The following PRDM1 variants were observed in gnomAD, a reference collection of about 807,000 sequenced individuals.
PRDM1 encodes PR domain zinc finger protein 1.
Under a neutral mutation model 62.8 loss-of-function variants are expected in PRDM1, and 13 were observed. That is an observed-to-expected ratio of 0.21 (90% CI 0.13 to 0.33). The LOEUF (loss-of-function observed/expected upper bound fraction) is 0.33, where lower values mean the gene tolerates loss of function less well. Among genes scored for constraint, PRDM1 ranks in the 10% least tolerant of loss-of-function variants. The pLI is 1.00. For synonymous variants in PRDM1, 396 were observed against 417.6 expected, an observed-to-expected ratio of 0.95 and a Z score of 0.63; for missense variants, 895 against 1,058.8, an observed-to-expected ratio of 0.85 and a Z score of 2.15.
chr6:106,083,755 A>T (rs1773737909), upstream of PRDM1, among the ~76,000 whole-genome samples: 1 of 152,212 alleles, frequency 6.6e-6, no homozygotes, highest in South Asian at 2.1e-4. Context: ...TCGGTGTTCT[A>T]ACTTGGGGGG....
At chr6:106,051,285 C>T (rs1204949494) in intron 1 of PRDM1, among the ~76,000 whole-genome samples, 2 of 152,228 alleles carry the variant, frequency 1.3e-5, no homozygotes, top group East Asian at 3.8e-4. Context: ...TTGGACCTGG[C>T]TCCTTAAGCA....
At chr6:106,063,809 C>A (rs1181927880) in intron 1 of PRDM1, among the ~76,000 whole-genome samples, 1 of 152,078 alleles carries the variant, frequency 6.6e-6, no homozygotes, top group African/African-American at 2.4e-5. Flanking sequence ...CCCTTGTATG[C>A]GAGTCTTATT....
In PRDM1 at chr6:105,999,486, T is replaced by C. The variant is rs1014668038; in HGVS notation, c.-67+5847T>C. Among the ~76,000 whole-genome samples, 11 of 152,292 alleles carry C rather than the reference T, an allele frequency of 7.2e-5. No homozygotes were observed. In the Middle Eastern group the frequency reaches 0.01, roughly 141 times the overall value. On this transcript the variant is annotated intron_variant, in intron 1 of 6. Transcript: ENST00000652320. The stretch of plus-strand genomic sequence containing the variant: ...TTTTTGCTTTTTTTGTTGTTGTTGT[T>C]CAGCCAGGGGCACTCCTCCTGTGGA...
At chr6:106,073,105 CTTTTTTT>C (rs202236727) in intron 1 of PRDM1, among the ~76,000 whole-genome samples, 11,121 of 137,674 alleles carry the variant, frequency 0.081, 541 homozygotes, top group East Asian at 0.17. Flanking sequence ...TTCCTCTTTT[CTTTTTTT>C]TTTTTTTTTT....
intron 1 of PRDM1, among the ~76,000 whole-genome samples, chr6:106,000,259 T>C (rs972290711): frequency 2.6e-5 from 4 of 152,204 alleles, no homozygotes; most frequent in Non-Finnish European, 5.9e-5. Context: ...TTCAAAGCTA[T>C]CTTTAACTCA....
intron 1 of PRDM1, among the ~76,000 whole-genome samples, chr6:106,052,043 G>A (rs1773184106): frequency 6.6e-6 from 1 of 152,198 alleles, no homozygotes; most frequent in African/African-American, 2.4e-5. Flanking sequence ...GGAATGAATA[G>A]GGAGTTATTG....
At chr6:106,072,767 A>C (rs1156698397) in intron 1 of PRDM1, among the ~76,000 whole-genome samples, 1 of 152,174 alleles carries the variant, frequency 6.6e-6, no homozygotes, top group African/African-American at 2.4e-5. Context: ...GACGTGGTGG[A>C]TTGAGCTGTT....
chr6:106,045,969 A>C, upstream of PRDM1: 1 of 152,188 alleles, frequency 6.6e-6, no homozygotes. Flanking sequence ...TATAAAATAC[A>C]CTGTCACACT....
intron 2 of PRDM1, 88 bp from the exon 3 acceptor site, chr6:106,095,523 ATTAC>A: frequency 7.1e-7 from 1 of 1,410,740 alleles, no homozygotes; most frequent in Non-Finnish European, 9.7e-7. Context: ...TGTTAGTTGT[ATTAC>A]TACTTGACAG....
intron 1 of PRDM1, among the ~76,000 whole-genome samples, chr6:106,042,431 G>A (rs911116134): frequency 4.6e-5 from 7 of 151,802 alleles, no homozygotes; most frequent in African/African-American, 1.7e-4. Context: ...GGAGGCTGAG[G>A]CAGGAGAATC....
chr6:106,022,016 A>C (rs6937414), intron 1 of PRDM1, among the ~76,000 whole-genome samples: 138,443 of 152,282 alleles, frequency 0.91, 63,066 homozygotes, highest in African/African-American at 0.95. Flanking sequence ...CATGTTTTCT[A>C]ATCTCTGAAA....
upstream of PRDM1, chr6:106,045,291 A>G (rs1773056817): frequency 6.6e-6 from 1 of 152,152 alleles, no homozygotes; most frequent in East Asian, 1.9e-4. Context: ...TGTAGAATGC[A>G]AAACTTGAAT....
chr6:106,071,381 G>GTA lies in PRDM1; in HGVS notation c.-66-16807_-66-16806dup, dbSNP rs137909539. Among the ~76,000 whole-genome samples the GTA allele has an allele frequency of 2.3e-3, 346 of 151,046 alleles. 1 individual carries two copies. The highest frequency in any genetic ancestry group is 3.8e-3 in the Non-Finnish European group (256 of 67,666). ...ATGTATGTATATGTAAGTCACGTGT[G>GTA]TATATATATATATACACACACACAC... On this transcript the variant is annotated intron_variant, in intron 1 of 6. Transcript: ENST00000651185.
intron 1 of PRDM1, among the ~76,000 whole-genome samples, chr6:106,080,070 A>G (rs948597546): frequency 7.9e-5 from 12 of 152,214 alleles, no homozygotes; most frequent in African/African-American, 2.9e-4. Flanking sequence ...ATTGGCATTT[A>G]AAGCTCTGTT....
chr6:106,086,539 C>T lies in PRDM1; in HGVS notation c.-15C>T. On this transcript the variant is annotated 5_prime_UTR_variant, in exon 1 of 7. It adds an upstream start codon to the 5' untranslated region. Transcript: ENST00000369096. ...AGAATGTGGACTGGGTAGAGATGAA[C>T]GAGACTTTTCTCAGATGTTGGATAT... 6.4e-7 allele frequency: 1 copy of T among 1,551,050 alleles called. No individual in the cohort carries two copies. Among genetic ancestry groups the T allele is most frequent in the Non-Finnish European group, 8.7e-7 (1 of 1,146,256 alleles).
chr6:106,034,487 T>G (rs1371464801), intron 1 of PRDM1, among the ~76,000 whole-genome samples: 1 of 152,010 alleles, frequency 6.6e-6, no homozygotes, highest in Non-Finnish European at 1.5e-5. Context: ...CTAATTTCCC[T>G]TTTGATTTCT....
chr6:106,045,612 A>C (rs745841189), upstream of PRDM1: 1 of 152,204 alleles, frequency 6.6e-6, no homozygotes, highest in Non-Finnish European at 1.5e-5. Context: ...ATTTTCAGTA[A>C]AAACCTTGTT....
chr6:106,043,337 C>A (rs1353260442), intron 1 of PRDM1, among the ~76,000 whole-genome samples: 1 of 152,132 alleles, frequency 6.6e-6, no homozygotes, highest in African/African-American at 2.4e-5. Context: ...CCATGGAGGG[C>A]AAAGACTATG....
chr6:106,098,913 A>G, intron 3 of PRDM1: 2 of 1,512,086 alleles, frequency 1.3e-6, no homozygotes, highest in Non-Finnish European at 8.9e-7. Flanking sequence ...TCAAAGCACT[A>G]AAAGTCAGCA....
Sources: gnomAD v4.1 joint callset for allele counts (sites outside exome capture counted in the v4.1 genomes callset) on GRCh38, gnomAD v4.1.1 for gene constraint, MANE v1.5 for transcripts, NCBI Gene and HGNC (gene_info 2026-07-23, HGNC 2026-07-21) for gene names.